The following TMEM67 variants were observed in gnomAD, a reference collection of about 807,000 sequenced individuals.
The protein encoded by TMEM67 is transmembrane protein 67.
TMEM67 carries 124 observed loss-of-function variants against 136.6 expected under a neutral mutation model. The ratio of observed to expected loss-of-function variants is 0.91; its 90% CI spans 0.78 to 1.05. The LOEUF (loss-of-function observed/expected upper bound fraction) is 1.05. Among genes scored for constraint, TMEM67 ranks in the 50% least tolerant of loss-of-function variants. The probability of loss-of-function intolerance (pLI) is 0.00; values close to 1 mark genes in which losing one functional copy is unlikely to be tolerated. For missense variants in TMEM67, 1,107 were observed against 1,178.4 expected, an observed-to-expected ratio of 0.94 and a Z score of 0.89; for synonymous variants, 364 against 390.5, an observed-to-expected ratio of 0.93 and a Z score of 0.80.
intron 18 of TMEM67, 142 bp from the exon 19 acceptor site, chr8:93,796,992 G>A: frequency 4.6e-6 from 3 of 658,130 alleles, no homozygotes; most frequent in Non-Finnish European, 8.2e-6. Flanking sequence ...ATTCCTTAGT[G>A]GTATTATAAC....
At chr8:93,814,652 CT>C (rs1298820889) in intron 26 of TMEM67, among the ~76,000 whole-genome samples, 304 of 138,508 alleles carry the variant, frequency 2.2e-3, no homozygotes, top group Middle Eastern at 3.7e-3. Context: ...TTCTTTCTTT[CT>C]TTTTTTTTTT....
chr8:93,832,567 T>A, the TMEM67 span, among the ~76,000 whole-genome samples: 2 of 152,200 alleles, frequency 1.3e-5, no homozygotes, highest in South Asian at 2.1e-4. Flanking sequence ...TTCAGACATT[T>A]CTTTTTAGAA....
intron 3 of TMEM67, among the ~76,000 whole-genome samples, chr8:93,762,552 G>A (rs1812894245): frequency 6.6e-6 from 1 of 151,726 alleles, no homozygotes; most frequent in Non-Finnish European, 1.5e-5. Context: ...TCAAACTCCT[G>A]GGCTTAAGCA....
At chr8:93,755,944 T>A in intron 2 of TMEM67, 78 bp downstream of exon 2, 1 of 814,764 alleles carries the variant, frequency 1.2e-6, no homozygotes, top group Non-Finnish European at 2.0e-6. Context: ...AAATATAATT[T>A]AATGTTTAAT....
downstream of TMEM67, among the ~76,000 whole-genome samples, chr8:93,823,976 C>A (rs1368435238): frequency 6.6e-6 from 1 of 152,028 alleles, no homozygotes; most frequent in African/African-American, 2.4e-5. Flanking sequence ...AAGCTCAGAA[C>A]ACAAAGCCAA....
In TMEM67 at chr8:93,809,070, C is replaced by T. The variant is rs201393025; in HGVS notation, c.2570C>T (p.Ala857Val). ...HETLIRKNGP[A>V]RLLSSSASTF... The stretch of plus-strand genomic sequence containing the variant: ...TTTTTACATTAGAAAAATGGTCCTG[C>T]TAGACTACTGAGTTCATCAGCAAGT... Residue 857 changes from alanine to valine, a missense_variant, in exon 25 of 28, where the codon GCT (alanine) becomes GTT (valine). Transcript: ENST00000453321. The T allele has an allele frequency of 1.2e-6, 2 of 1,606,528 alleles. No homozygotes were observed. Among genetic ancestry groups the T allele is most frequent in the East Asian group, 2.2e-5 (1 of 44,752 alleles).
At chr8:93,813,339 T>A (rs1398182858) in intron 26 of TMEM67, among the ~76,000 whole-genome samples, 2 of 152,052 alleles carry the variant, frequency 1.3e-5, no homozygotes, top group Non-Finnish European at 2.9e-5. Flanking sequence ...CCACCACACC[T>A]GGCTAATTTT....
chr8:93,781,075 TGG>T, intron 9 of TMEM67, 93 bp downstream of exon 9: 1 of 840,164 alleles, frequency 1.2e-6, no homozygotes. Flanking sequence ...TTTAGGTTGT[TGG>T]TACAAACTCA....
At chr8:93,799,832 C>T in intron 21 of TMEM67, 74 bp downstream of exon 21, 2 of 1,217,584 alleles carry the variant, frequency 1.6e-6, no homozygotes, top group Non-Finnish European at 2.4e-6. Flanking sequence ...TACTGATTAT[C>T]ATCAAATATT....
chr8:93,808,762 A>G, intron 23 of TMEM67, 78 bp from the exon 24 acceptor site: 1 of 892,374 alleles, frequency 1.1e-6, no homozygotes, highest in East Asian at 2.4e-5. Flanking sequence ...AACAGCTAAA[A>G]AAAAGTTCTG....
intron 22 of TMEM67, among the ~76,000 whole-genome samples, chr8:93,804,311 T>TTTTCTCTTTTCTTTTCTTTTC (rs386413370): frequency 1.2e-5 from 1 of 86,302 alleles, no homozygotes; most frequent in African/African-American, 5.9e-5. Context: ...TTTTCTTTTC[T>TTTTCTCTTTTCTTTTCTTTTC]TTTTTTTTTT....
intron 15 of TMEM67, among the ~76,000 whole-genome samples, chr8:93,792,492 G>T (rs1394602790): frequency 6.6e-6 from 1 of 151,934 alleles, no homozygotes; most frequent in South Asian, 2.1e-4. Context: ...TTATTAAATA[G>T]CATCCATTGA....
At chr8:93,818,948 T>C (rs1808995975), downstream of TMEM67, 1 of 387,788 alleles carries the variant, frequency 2.6e-6, no homozygotes, top group Admixed American at 3.6e-5. Context: ...ACAACAGGTG[T>C]GCACCACCAT....
chr8:93,811,100 G>A lies in TMEM67; in HGVS notation c.2764+1213G>A, dbSNP rs150582112. Among the ~76,000 whole-genome samples, 14 of 152,322 alleles carry A rather than the reference G, an allele frequency of 9.2e-5. No individual in the cohort carries two copies. In the East Asian group the frequency reaches 1.5e-3, roughly 17 times the overall value. On this transcript the variant is annotated intron_variant, in intron 26 of 27. Coordinates refer to ENST00000453321, the MANE Select transcript of TMEM67 (RefSeq NM_153704.6). ...TACACAGACGAATGATCCCTACCTT[G>A]GGTATCTTGTTTAACAGACTATGGA...
intron 11 of TMEM67, among the ~76,000 whole-genome samples, chr8:93,783,916 G>T (rs932448500): frequency 6.6e-6 from 1 of 152,276 alleles, no homozygotes; most frequent in Non-Finnish European, 1.5e-5. Context: ...GACACATGGG[G>T]ATTATGGGAA....
chr8:93,829,244 G>A, the TMEM67 span, among the ~76,000 whole-genome samples: 16 of 152,150 alleles, frequency 1.1e-4, no homozygotes, highest in African/African-American at 3.9e-4. Context: ...AATAGGCATA[G>A]TTTTCTTCTT....
chr8:93,755,774 T>TTTG lies in TMEM67; in HGVS notation c.224-3_224-2insTGT. On this transcript the variant is annotated splice_polypyrimidine_tract_variant and splice_region_variant and intron_variant, in intron 1 of 27. Transcript: ENST00000453321. ...GGCTTTTTTTTTTTTTTTTTTTTTT[T>TTTG]TAGGAACTTCATGTGTATGTCTACC... is the stretch of plus-strand genomic sequence containing the variant. 1 of 1,382,880 alleles carries TTTG rather than the reference T, an allele frequency of 7.2e-7. No individual in the cohort carries two copies. The highest frequency in any genetic ancestry group is 1.0e-6 in the Non-Finnish European group (1 of 1,002,700). 85.7% of individuals were successfully genotyped at this position (1,382,880 alleles called of 1,614,324 possible).
At chr8:93,780,478 G>A (rs1164763870) in intron 7 of TMEM67, 115 bp from the exon 8 acceptor site, 41 of 1,080,316 alleles carry the variant, frequency 3.8e-5, no homozygotes, top group Non-Finnish European at 4.4e-5. Context: ...GCAGACCGGA[G>A]CTGTTCCTAC....
rs1270989048 is a variant in TMEM67 at position 93,772,619 on chromosome 8, A to G, written c.682A>G (p.Lys228Glu). 6.2e-7 allele frequency: 1 copy of G among 1,612,782 alleles called. No individual in the cohort carries two copies. Among genetic ancestry groups the G allele is most frequent in the Non-Finnish European group, 8.5e-7 (1 of 1,179,382 alleles). The change falls in exon 7 of 28, where the codon AAG (lysine) becomes GAG (glutamate). Residue 228 changes from lysine to glutamate, a missense_variant. Physicochemically the swap from Lys to Glu is moderately conservative, Grantham distance 56. Transcript: ENST00000453321. ...GMSLTSEWFA[K>E]YLQSSAAACW... ...GTCTTTAACTTCAGAATGGTTTGCA[A>G]AGTATTTGCAATCATCAGCAGCTGC...
Sources: gnomAD v4.1 joint callset for allele counts (sites outside exome capture counted in the v4.1 genomes callset) on GRCh38, gnomAD v4.1.1 for gene constraint, MANE v1.5 for transcripts, NCBI Gene and HGNC (gene_info 2026-07-23, HGNC 2026-07-21) for gene names.